SPG11: variants seen among roughly 807,000 people sequenced by gnomAD.
The protein encoded by SPG11 is SPG11 vesicle trafficking associated, spatacsin, also known as spatacsin.
In SPG11, 222 loss-of-function variants were observed where a neutral mutation model predicts 274.0. The ratio of observed to expected loss-of-function variants is 0.81; its 90% CI spans 0.73 to 0.91. The LOEUF (loss-of-function observed/expected upper bound fraction) is 0.91, where lower values mean the gene tolerates loss of function less well. Ranked by LOEUF, SPG11 falls within the 40% of genes least tolerant of loss-of-function variation. SPG11 has a pLI of 0.00. For synonymous variants in SPG11, 1,144 were observed against 1,039.7 expected, an observed-to-expected ratio of 1.10 and a Z score of -1.93; for missense variants, 3,114 against 2,872.7, an observed-to-expected ratio of 1.08 and a Z score of -1.92.
At chr15:44,593,754 C>CT (rs112815798) in intron 26 of SPG11, among the ~76,000 whole-genome samples, 4,693 of 135,536 alleles carry the variant, frequency 0.035, 274 homozygotes, top group African/African-American at 0.12. Flanking sequence ...TTCATAATAT[C>CT]TTTTTTTTTT....
rs994889699 is a variant in SPG11 at position 44,635,741 on chromosome 15, AC to A, written c.1603-2105del. On this transcript the variant is annotated intron_variant, in intron 7 of 39. Coordinates refer to ENST00000261866, the MANE Select transcript of SPG11 (RefSeq NM_025137.4). Reference sequence around the variant, plus strand: ...AGACTAGCCTGACCAATATAGTAAAACCCTGTCTTTACTAAAAATACAAAAA... The same window carrying A: ...AGACTAGCCTGACCAATATAGTAAAACCTGTCTTTACTAAAAATACAAAAA... 6.0e-5 allele frequency among the ~76,000 whole-genome samples: 9 copies of A among 148,764 alleles called. No homozygotes were observed. The East Asian group carries it at 1.8e-3, about 30-fold the overall frequency.
chr15:44,563,253 T>C lies in SPG11; in HGVS notation c.7200A>G (p.Lys2400=), dbSNP rs1276473753. The C allele has an allele frequency of 1.9e-6, 3 of 1,614,062 alleles. No individual in the cohort carries two copies. Among genetic ancestry groups the C allele is most frequent in the Non-Finnish European group, 2.5e-6 (3 of 1,179,890 alleles). Reference sequence around the variant, plus strand: ...AAACATCTTCACAATATGTGAGTAATTTCTTCAGGTTTTCCATGACCATGT... The same window carrying C: ...AAACATCTTCACAATATGTGAGTAACTTCTTCAGGTTTTCCATGACCATGT... ...PTDMVMENLK[K]LLTYCEDVYL... The change falls in exon 40 of 40, where the codon AAA becomes AAG. Residue 2400 remains lysine (K), a synonymous_variant. Coordinates refer to ENST00000261866, the MANE Select transcript of SPG11 (RefSeq NM_025137.4).
intron 7 of SPG11, among the ~76,000 whole-genome samples, chr15:44,638,733 C>T (rs760841623): frequency 2.0e-5 from 3 of 152,146 alleles, no homozygotes; most frequent in East Asian, 1.9e-4. Context: ...CAGTGGCACA[C>T]GCCTGTAATC....
At chr15:44,639,294 C>T (rs1006451246) in intron 7 of SPG11, among the ~76,000 whole-genome samples, 4 of 151,748 alleles carry the variant, frequency 2.6e-5, no homozygotes, top group African/African-American at 9.7e-5. Flanking sequence ...CACACACACA[C>T]ACACACACAC....
chr15:44,601,515 C>G (rs2083187545), intron 20 of SPG11, among the ~76,000 whole-genome samples: 1 of 150,756 alleles, frequency 6.6e-6, no homozygotes, highest in Non-Finnish European at 1.5e-5. Context: ...CCTGCCTTGG[C>G]CTCCCAGAGT....
intron 1 of SPG11, among the ~76,000 whole-genome samples, chr15:44,661,313 C>A (rs1361250421): frequency 6.6e-6 from 1 of 152,128 alleles, no homozygotes. Flanking sequence ...GGTGTTTCAG[C>A]TTCAAATTAA....
At chr15:44,654,213 A>T (rs2084869318) in intron 4 of SPG11, among the ~76,000 whole-genome samples, 1 of 152,212 alleles carries the variant, frequency 6.6e-6, no homozygotes, top group Admixed American at 6.5e-5. Flanking sequence ...TTCTACCATA[A>T]ATTATGCACA....
chr15:44,589,154 T>C (rs2082839217), intron 28 of SPG11, 98 bp downstream of exon 28: 3 of 1,249,462 alleles, frequency 2.4e-6, no homozygotes, highest in Admixed American at 1.7e-5. Context: ...TAAGTTAATG[T>C]TACATGCATT....
At chr15:44,616,046 A>C (rs927533851) in intron 15 of SPG11, among the ~76,000 whole-genome samples, 22 of 152,194 alleles carry the variant, frequency 1.4e-4, no homozygotes, top group African/African-American at 5.3e-4. Context: ...AAAGGAGTAA[A>C]GAAAATATAT....
At chr15:44,637,571 C>T (rs1181614929) in intron 7 of SPG11, among the ~76,000 whole-genome samples, 2 of 152,126 alleles carry the variant, frequency 1.3e-5, no homozygotes. Flanking sequence ...ACCTCGGCCT[C>T]CCAAAGTGGA....
chr15:44,576,640 C>T (rs1182736185), intron 30 of SPG11, among the ~76,000 whole-genome samples: 1 of 148,232 alleles, frequency 6.7e-6, no homozygotes, highest in South Asian at 2.1e-4. Context: ...CAGAGCGAGA[C>T]TCTGTCTCAA....
chr15:44,638,921 G>A lies in SPG11; in HGVS notation c.1603-5284C>T, dbSNP rs570205107. Among the ~76,000 whole-genome samples, 121 of 151,808 alleles carry A rather than the reference G, an allele frequency of 8.0e-4. 1 individual carries two copies. The highest frequency in any genetic ancestry group is 1.1e-3 in the Non-Finnish European group (76 of 67,924). ...TGAGGCAGGAGAATCGCTTGAACCC[G>A]GGCTGTGGAGGTTTCAGTGAGCCAA... On this transcript the variant is annotated intron_variant, in intron 7 of 39. Transcript: ENST00000261866.
chr15:44,592,531 T>A, intron 26 of SPG11, 93 bp from the exon 27 acceptor site: 1 of 819,798 alleles, frequency 1.2e-6, no homozygotes, highest in Non-Finnish European at 2.1e-6. Flanking sequence ...AAAATGCTAT[T>A]AATAAGGCAG....
chr15:44,629,194 G>A, intron 9 of SPG11, 39 bp downstream of exon 9: 2 of 1,605,592 alleles, frequency 1.2e-6, no homozygotes, highest in African/African-American at 1.3e-5. Flanking sequence ...TCTGACACAG[G>A]AACAGTAGAA....
At position 44,659,152 on chromosome 15, in the gene SPG11, C is replaced by A. The variant is rs1157647108; in HGVS notation, c.594G>T (p.Gln198His). The A allele has an allele frequency of 6.2e-7, 1 of 1,614,202 alleles. No individual in the cohort carries two copies. Among genetic ancestry groups the A allele is most frequent in the African/African-American group, 1.3e-5 (1 of 75,058 alleles). ...LNCFTLPLPAQAVDMIIDTQL... is the reference protein window; with the variant it reads ...LNCFTLPLPAHAVDMIIDTQL... The stretch of plus-strand genomic sequence containing the variant: ...GCGTGTCAATAATCATGTCCACTGC[C>A]TGTGCAGGCAAGGGAAGTGTGAAAC... Residue 198 changes from glutamine to histidine, a missense_variant, in exon 3 of 40, where the codon CAG (glutamine) becomes CAT (histidine). Physicochemically the swap from Gln to His is conservative, Grantham distance 24. Transcript: ENST00000261866.
Position 44,595,380 on chromosome 15 carries a change from T to G in SPG11, c.4514A>C (p.His1505Pro). The change falls in exon 26 of 40, where the codon CAC (histidine) becomes CCC (proline). Residue 1505 changes from histidine (H) to proline (P), a missense_variant. Coordinates refer to ENST00000261866, the MANE Select transcript of SPG11 (RefSeq NM_025137.4). ...ATGGTCCTCTGTTGAGTCCTGAATG[T>G]GTCCCATTGCTTCAGTTGCAACATT... ...EDNVATEAMG[H>P]IQDSTEDHTW... The G allele has an allele frequency of 6.2e-7, 1 of 1,614,226 alleles. No individual in the cohort carries two copies.
chr15:44,579,543 A>G (rs978782800), intron 30 of SPG11, among the ~76,000 whole-genome samples: 3 of 151,750 alleles, frequency 2.0e-5, no homozygotes, highest in African/African-American at 4.8e-5. Context: ...AAAAAAAAAA[A>G]AAAAAAGAAA....
chr15:44,660,361 T>C, intron 2 of SPG11, 71 bp downstream of exon 2: 1 of 1,429,932 alleles, frequency 7.0e-7, no homozygotes, highest in Non-Finnish European at 9.8e-7. Flanking sequence ...CTATGACTTT[T>C]CCTGAAGTAT....
At chr15:44,639,276 TACACACACACACACAC>T (rs71111873) in intron 7 of SPG11, among the ~76,000 whole-genome samples, 2 of 138,282 alleles carry the variant, frequency 1.4e-5, no homozygotes, top group African/African-American at 5.2e-5. Flanking sequence ...CACAAAGAGA[TACACACACACACACAC>T]ACACACACAC....
Sources: gnomAD v4.1 joint callset for allele counts (sites outside exome capture counted in the v4.1 genomes callset) on GRCh38, gnomAD v4.1.1 for gene constraint, MANE v1.5 for transcripts, NCBI Gene and HGNC (gene_info 2026-07-23, HGNC 2026-07-21) for gene names.